Variants in EPG5 observed in about 807,000 individuals in gnomAD.
EPG5 encodes ectopic P granules protein 5 homolog.
Under a neutral mutation model 302.7 loss-of-function variants are expected in EPG5, and 159 were observed. That is an observed-to-expected ratio of 0.53 (90% confidence interval 0.46 to 0.60). The LOEUF is 0.60. Among genes scored for constraint, EPG5 ranks in the 20% least tolerant of loss-of-function variants. The pLI is 0.00. For missense variants in EPG5, 2,896 were observed against 3,092.4 expected (o/e 0.94, Z 1.51); for synonymous variants, 1,158 against 1,136.8 (o/e 1.02, Z -0.37).
At chr18:45,900,702 A>C (rs1317694768) in intron 26 of EPG5, among the ~76,000 whole-genome samples, 1 of 152,218 alleles carries the variant, frequency 6.6e-6, no homozygotes, top group Non-Finnish European at 1.5e-5. Flanking sequence ...TCTTTCCAAT[A>C]TCAGAAGATC....
At chr18:45,817,999 C>A in the EPG5 span, among the ~76,000 whole-genome samples, 702 of 152,288 alleles carry the variant, frequency 4.6e-3, 7 homozygotes, top group African/African-American at 0.016. Flanking sequence ...TGTATGCATA[C>A]ACAAGCTTAT....
intron 35 of EPG5, among the ~76,000 whole-genome samples, chr18:45,871,990 T>A (rs894691892): frequency 2.0e-5 from 3 of 152,244 alleles, no homozygotes; most frequent in Non-Finnish European, 4.4e-5. Flanking sequence ...ATCTTAATTA[T>A]CTTGATTTAA....
chr18:45,919,731 C>T (rs562867763), intron 16 of EPG5, among the ~76,000 whole-genome samples: 27 of 152,266 alleles, frequency 1.8e-4, no homozygotes, highest in African/African-American at 6.5e-4. Flanking sequence ...CCAGGATGGT[C>T]TCGATCTCCT....
chr18:45,937,327 T>G (rs28545388), intron 10 of EPG5, among the ~76,000 whole-genome samples: 1 of 149,832 alleles, frequency 6.7e-6, no homozygotes, highest in Non-Finnish European at 1.5e-5. Context: ...TATTTATATA[T>G]ATATACACAT....
At chr18:45,840,231 A>G in the EPG5 span, 1 of 1,611,828 alleles carries the variant, frequency 6.2e-7, no homozygotes, top group Non-Finnish European at 8.5e-7. Context: ...CACCCCGGAC[A>G]CCCCACCACG....
intron 11 of EPG5, among the ~76,000 whole-genome samples, chr18:45,933,406 C>T (rs1029911345): frequency 2.6e-5 from 4 of 152,128 alleles, no homozygotes; most frequent in African/African-American, 9.7e-5. Context: ...AGGCTGAGTA[C>T]GGTGGCTCAC....
At chr18:45,811,798 A>C in the EPG5 span, among the ~76,000 whole-genome samples, 10 of 152,360 alleles carry the variant, frequency 6.6e-5, no homozygotes, top group Admixed American at 5.2e-4. Flanking sequence ...TGACAAACCC[A>C]CAGCCAATAT....
the EPG5 span, chr18:45,825,709 G>T: frequency 6.2e-7 from 1 of 1,614,126 alleles, no homozygotes; most frequent in South Asian, 1.1e-5. Context: ...TCTGGCCTGG[G>T]GTGTTCAGAT....
intron 36 of EPG5, 166 bp from the exon 37 acceptor site, chr18:45,867,914 C>A (rs1343332660): frequency 2.9e-6 from 2 of 695,280 alleles, no homozygotes; most frequent in African/African-American, 1.8e-5. Context: ...TTTGTAATAT[C>A]TTTCCTTCCA....
chr18:45,927,035 CTTT>C (rs372779886), intron 13 of EPG5, among the ~76,000 whole-genome samples: 6 of 138,008 alleles, frequency 4.3e-5, no homozygotes, highest in Admixed American at 1.5e-4. Flanking sequence ...TTTTTCTTTT[CTTT>C]TTTTTTTTTT....
the EPG5 span, among the ~76,000 whole-genome samples, chr18:45,830,792 G>T: frequency 1.3e-5 from 2 of 149,402 alleles, no homozygotes; most frequent in Non-Finnish European, 3.0e-5. Flanking sequence ...TAGAGACGGG[G>T]TTTCACCATA....
intron 13 of EPG5, among the ~76,000 whole-genome samples, chr18:45,927,630 ACACG>A (rs1555676843): frequency 6.6e-6 from 1 of 151,496 alleles, no homozygotes; most frequent in African/African-American, 2.4e-5. Flanking sequence ...ACACACACAC[ACACG>A]CACCAAGGAA....
chr18:45,884,620 G>C lies in EPG5; in HGVS notation c.5301C>G (p.Thr1767=), dbSNP rs1163327702. 6.2e-7 allele frequency: 1 copy of C among 1,600,196 alleles called. No individual in the cohort carries two copies. The highest frequency in any genetic ancestry group is 2.3e-5 in the East Asian group (1 of 43,750). Residue 1767 remains threonine (T), a synonymous_variant, in exon 30 of 44, where the codon ACC becomes ACG. Transcript: ENST00000282041. ...TGAGGATGGAATTACATCTTACCTTGGTTAGCAGCATGAAAATCATATCAC... is the reference window on the plus strand; with the variant it reads ...TGAGGATGGAATTACATCTTACCTTCGTTAGCAGCATGAAAATCATATCAC... The part of the protein sequence containing the change: ...DNSDMIFMLL[T]KFDLKQWLSA...
chr18:45,924,624 T>C (rs2050231649), intron 14 of EPG5, among the ~76,000 whole-genome samples: 1 of 152,242 alleles, frequency 6.6e-6, no homozygotes, highest in Non-Finnish European at 1.5e-5. Context: ...AGAAGGTCTT[T>C]TAACAGTGAA....
At chr18:45,822,438 A>C in the EPG5 span, among the ~76,000 whole-genome samples, 1 of 152,136 alleles carries the variant, frequency 6.6e-6, no homozygotes, top group South Asian at 2.1e-4. Context: ...AAAGATACAA[A>C]ATTATAACTA....
At chr18:45,916,233 G>A (rs770547026) in intron 18 of EPG5, 27 bp from the exon 19 acceptor site, 1 of 1,588,216 alleles carries the variant, frequency 6.3e-7, no homozygotes, top group Non-Finnish European at 8.6e-7. Flanking sequence ...CATGTGATGG[G>A]AAAGATAACA....
intron 29 of EPG5, among the ~76,000 whole-genome samples, chr18:45,886,859 T>A (rs751491838): frequency 5.1e-4 from 78 of 152,284 alleles, no homozygotes; most frequent in Non-Finnish European, 5.4e-4. Context: ...GGTTTCTTCA[T>A]GTTGGTCAGG....
chr18:45,862,437 C>G (rs1374425152), intron 39 of EPG5, among the ~76,000 whole-genome samples: 1 of 152,162 alleles, frequency 6.6e-6, no homozygotes, highest in Admixed American at 6.5e-5. Context: ...ATCTGTGTCC[C>G]CACCAAATCT....
At position 45,879,330 on chromosome 18, in the gene EPG5, A is replaced by G. The variant is rs1299686674; in HGVS notation, c.5668-116T>C. 1.8e-5 allele frequency: 12 copies of G among 683,332 alleles called. No homozygotes were observed. In the East Asian group the frequency reaches 3.2e-4, roughly 18 times the overall value. The allele number at this position is 683,332 out of a possible 1,614,324, so 42.3% of individuals were successfully genotyped here. A position where few individuals can be genotyped will look rare whatever the true frequency, so the allele number is the denominator to read the frequency against. On this transcript the variant is annotated intron_variant, in intron 32 of 43. Transcript: ENST00000282041. ...TCTTTGACTTTATAAGAGAGTGGCA[A>G]AAATATAAAGCATATGAGAAATAAA...
Sources: gnomAD v4.1 joint callset for allele counts (sites outside exome capture counted in the v4.1 genomes callset) on GRCh38, gnomAD v4.1.1 for gene constraint, MANE v1.5 for transcripts, NCBI Gene and HGNC (gene_info 2026-07-23, HGNC 2026-07-21) for gene names.